The following PPFIBP1 variants were observed in gnomAD, a reference collection of about 807,000 sequenced individuals.
PPFIBP1 encodes the protein liprin-beta-1.
PPFIBP1 carries 112 observed loss-of-function variants against 137.8 expected under a neutral mutation model. The observed-to-expected ratio is 0.81, with a 90% confidence interval of 0.70 to 0.95. PPFIBP1 has a LOEUF of 0.95. Ranked by LOEUF, PPFIBP1 falls within the 40% of genes least tolerant of loss-of-function variation. The pLI is 0.00. For missense variants in PPFIBP1, 1,083 were observed against 1,196.6 expected (o/e 0.91, Z 1.40); for synonymous variants, 378 against 417.3 (o/e 0.91, Z 1.15).
At chr12:27,596,885 A>G (rs1450540827) in intron 2 of PPFIBP1, among the ~76,000 whole-genome samples, 5 of 152,234 alleles carry the variant, frequency 3.3e-5, no homozygotes, top group Admixed American at 6.5e-5. Flanking sequence ...CCTAGATTCA[A>G]ACATAGCCAG....
intron 9 of PPFIBP1, among the ~76,000 whole-genome samples, chr12:27,658,306 G>C (rs190463219): frequency 9.2e-5 from 14 of 152,218 alleles, no homozygotes; most frequent in Admixed American, 7.2e-4. Context: ...TCTTTAGAAA[G>C]CTCATGTCAG....
At chr12:27,575,743 G>A (rs1375607818) in intron 1 of PPFIBP1, among the ~76,000 whole-genome samples, 3 of 152,138 alleles carry the variant, frequency 2.0e-5, no homozygotes, top group Non-Finnish European at 4.4e-5. Flanking sequence ...GTTTGCATGG[G>A]TTTGGATTTT....
intron 1 of PPFIBP1, among the ~76,000 whole-genome samples, chr12:27,554,523 A>G (rs1200145262): frequency 6.6e-6 from 1 of 152,224 alleles, no homozygotes; most frequent in Non-Finnish European, 1.5e-5. Flanking sequence ...GAAGTTGATA[A>G]TGCTTTAAAT....
chr12:27,524,538 G>A (rs535173865), intron 1 of PPFIBP1, among the ~76,000 whole-genome samples, 173 bp downstream of exon 1: 1 of 152,038 alleles, frequency 6.6e-6, no homozygotes, highest in East Asian at 1.9e-4. Flanking sequence ...GGAGGGGTAG[G>A]GCTTAACTCC....
At chr12:27,571,655 G>A (rs2050159818) in intron 1 of PPFIBP1, among the ~76,000 whole-genome samples, 1 of 152,216 alleles carries the variant, frequency 6.6e-6, no homozygotes, top group African/African-American at 2.4e-5. Context: ...CCTCACTGGG[G>A]TGTGTTAGTT....
At chr12:27,679,031 C>A (rs1262640817) in intron 19 of PPFIBP1, among the ~76,000 whole-genome samples, 1 of 151,534 alleles carries the variant, frequency 6.6e-6, no homozygotes, top group Non-Finnish European at 1.5e-5. Flanking sequence ...CTCTAGAGGG[C>A]ATTTAGAATA....
At chr12:27,548,933 T>C (rs1251370216) in intron 1 of PPFIBP1, 1 of 152,190 alleles carries the variant, frequency 6.6e-6, no homozygotes, top group Non-Finnish European at 1.5e-5. Flanking sequence ...AGTAGAAATA[T>C]AAGTAGGTCA....
At chr12:27,682,347 T>C (rs772635439) in intron 22 of PPFIBP1, 40 bp from the exon 23 acceptor site, 7 of 1,435,180 alleles carry the variant, frequency 4.9e-6, no homozygotes, top group Middle Eastern at 1.7e-4. Flanking sequence ...GCACCCAGCC[T>C]ATACAGATAG....
chr12:27,525,060 G>A (rs1054955696), intron 1 of PPFIBP1, among the ~76,000 whole-genome samples: 4 of 152,204 alleles, frequency 2.6e-5, no homozygotes, highest in Admixed American at 1.3e-4. Flanking sequence ...TCTGTTTCCT[G>A]TGGCTGCTTG....
At chr12:27,642,205 A>G (rs1362497909) in intron 4 of PPFIBP1, among the ~76,000 whole-genome samples, 1 of 152,214 alleles carries the variant, frequency 6.6e-6, no homozygotes, top group Non-Finnish European at 1.5e-5. Flanking sequence ...AAATCAAAGT[A>G]CCAATGTTAC....
intron 16 of PPFIBP1, 24 bp downstream of exon 16, chr12:27,673,851 T>G: frequency 1.3e-6 from 2 of 1,584,658 alleles, no homozygotes; most frequent in Non-Finnish European, 1.7e-6. Flanking sequence ...TTTTTGTTTT[T>G]TTTTGTCTGT....
intron 26 of PPFIBP1, 108 bp downstream of exon 26, chr12:27,688,531 C>A: frequency 7.8e-7 from 1 of 1,287,322 alleles, no homozygotes; most frequent in Non-Finnish European, 1.1e-6. Flanking sequence ...TCTGACTCAA[C>A]CCTCCTGCCC....
intron 13 of PPFIBP1, among the ~76,000 whole-genome samples, chr12:27,670,235 C>T (rs1184258937): frequency 6.6e-6 from 1 of 152,100 alleles, no homozygotes; most frequent in African/African-American, 2.4e-5. Context: ...ATTTCACAGA[C>T]TCCTTCCTTA....
intron 4 of PPFIBP1, among the ~76,000 whole-genome samples, chr12:27,642,874 T>A (rs2058211829): frequency 6.6e-6 from 1 of 151,896 alleles, no homozygotes; most frequent in South Asian, 2.1e-4. Context: ...ATGATGAGCT[T>A]TCAGGAAGGA....
intron 1 of PPFIBP1, among the ~76,000 whole-genome samples, chr12:27,530,760 C>T (rs962060638): frequency 5.3e-5 from 8 of 152,170 alleles, no homozygotes; most frequent in African/African-American, 1.7e-4. Flanking sequence ...CTGGATGCCC[C>T]GTTCCCCAAA....
chr12:27,576,447 C>A (rs1318792942), intron 1 of PPFIBP1, among the ~76,000 whole-genome samples: 1 of 152,172 alleles, frequency 6.6e-6, no homozygotes, highest in Non-Finnish European at 1.5e-5. Context: ...CCTCCCCCTG[C>A]AGCCTAATCT....
chr12:27,611,973 G>C (rs1018711531), intron 2 of PPFIBP1, among the ~76,000 whole-genome samples: 2 of 152,298 alleles, frequency 1.3e-5, no homozygotes, highest in Non-Finnish European at 2.9e-5. Flanking sequence ...AATGTAATTC[G>C]TTGATCTGTA....
chr12:27,681,252 T>C (rs1256751737), intron 21 of PPFIBP1, among the ~76,000 whole-genome samples: 2 of 152,248 alleles, frequency 1.3e-5, no homozygotes, highest in African/African-American at 4.8e-5. Flanking sequence ...CAACATTGGT[T>C]AAAACTGATA....
At chr12:27,589,956 G>A (rs1290987428) in intron 2 of PPFIBP1, among the ~76,000 whole-genome samples, 1 of 152,118 alleles carries the variant, frequency 6.6e-6, no homozygotes, top group Non-Finnish European at 1.5e-5. Context: ...CTCACTTGAC[G>A]TCTACTTGAT....
Sources: gnomAD v4.1 joint callset for allele counts (sites outside exome capture counted in the v4.1 genomes callset) on GRCh38, gnomAD v4.1.1 for gene constraint, MANE v1.5 for transcripts, NCBI Gene and HGNC (gene_info 2026-07-23, HGNC 2026-07-21) for gene names.